The following ZSCAN23 variants were observed in gnomAD, a reference collection of about 807,000 sequenced individuals.
ZSCAN23 encodes zinc finger and SCAN domain-containing protein 23.
ZSCAN23 carries 19 observed loss-of-function variants against 19.3 expected under a neutral mutation model. The observed-to-expected ratio is 0.99, with a 90% CI of 0.69 to 1.45. The LOEUF (loss-of-function observed/expected upper bound fraction) is 1.45. Ranked by LOEUF, ZSCAN23 falls within the 40% of genes most tolerant of loss-of-function variation. The pLI is 0.00. For missense variants in ZSCAN23, 372 were observed against 462.5 expected, an observed-to-expected ratio of 0.80 and a Z score of 1.79; for synonymous variants, 140 against 166.2, an observed-to-expected ratio of 0.84 and a Z score of 1.21.
At position 28,443,047 on chromosome 6, in the gene ZSCAN23, A is replaced by C. The variant is rs116246468; in HGVS notation, c.-78+352T>G. 2.3e-3 allele frequency among the ~76,000 whole-genome samples: 357 copies of C among 152,348 alleles called. 2 individuals are homozygous for C. The highest frequency in any genetic ancestry group is 8.0e-3 in the African/African-American group (333 of 41,580). Reference sequence around the variant, plus strand: ...CTATCCCTGCTCATTCTTTAAAATAAGTCCACAGTAGAGAATAAGACATCG... The same window carrying C: ...CTATCCCTGCTCATTCTTTAAAATACGTCCACAGTAGAGAATAAGACATCG... On this transcript the variant is annotated intron_variant, in intron 1 of 3. Coordinates refer to ENST00000289788, the MANE Select transcript of ZSCAN23 (RefSeq NM_001012455.2).
intron 1 of ZSCAN23, among the ~76,000 whole-genome samples, chr6:28,441,864 C>G (rs1762008055): frequency 6.9e-6 from 1 of 145,492 alleles, no homozygotes; most frequent in East Asian, 2.1e-4. Context: ...ACAGGCAGAT[C>G]TGGTTGTTAA....
intron 1 of ZSCAN23, among the ~76,000 whole-genome samples, chr6:28,442,296 T>C (rs1224628410): frequency 1.3e-5 from 2 of 152,226 alleles, no homozygotes; most frequent in African/African-American, 4.8e-5. Flanking sequence ...TTAAATGAGA[T>C]AATGCATACA....
At chr6:28,435,654 T>C (rs768462229) in intron 2 of ZSCAN23, 47 bp from the exon 3 acceptor site, 8 of 1,521,910 alleles carry the variant, frequency 5.3e-6, no homozygotes, top group Non-Finnish European at 6.2e-6. Flanking sequence ...AGAGAGAACA[T>C]GGCAAGGAGG....
chr6:28,436,369 A>C, intron 1 of ZSCAN23, 26 bp from the exon 2 acceptor site: 1 of 1,261,098 alleles, frequency 7.9e-7, no homozygotes. Flanking sequence ...CGAAGAAAAA[A>C]ATATAAAAAT....
the ZSCAN23 span, among the ~76,000 whole-genome samples, chr6:28,422,456 T>C: frequency 2.6e-5 from 4 of 152,190 alleles, no homozygotes; most frequent in Non-Finnish European, 5.9e-5. The surrounding 1 kb of genome is among the most constrained non-coding windows in gnomAD (Gnocchi z 4.0). Context: ...TACTGTACAA[T>C]GACATTTTAG....
chr6:28,439,385 C>G (rs1201172521), intron 1 of ZSCAN23, among the ~76,000 whole-genome samples: 1 of 152,146 alleles, frequency 6.6e-6, no homozygotes, highest in Non-Finnish European at 1.5e-5. Flanking sequence ...CCACGCCCAG[C>G]CTTCCTCCAC....
At chr6:28,430,339 G>A (rs970226286), downstream of ZSCAN23, among the ~76,000 whole-genome samples, 25 of 152,162 alleles carry the variant, frequency 1.6e-4, no homozygotes, top group African/African-American at 5.5e-4. Context: ...CACAGCCCTA[G>A]TCATGTCTCT....
intron 2 of ZSCAN23, 28 bp from the exon 3 acceptor site, chr6:28,435,635 C>G: frequency 6.5e-7 from 1 of 1,542,402 alleles, no homozygotes. Context: ...CAGTTGGGAA[C>G]CCAATATCAG....
downstream of ZSCAN23, among the ~76,000 whole-genome samples, chr6:28,429,420 T>C (rs1161968866): frequency 6.6e-6 from 1 of 152,214 alleles, no homozygotes; most frequent in Admixed American, 6.5e-5. Flanking sequence ...GTATTTTTCT[T>C]TAAGTACTAA....
Position 28,433,102 on chromosome 6 carries a change from C to T in ZSCAN23, c.*1363G>A, listed in dbSNP as rs1253102246. The stretch of plus-strand genomic sequence containing the variant: ...TCAATGAGGAATAAATGAGAAGAGT[C>T]TTTCCTGGACTCCACTGTAAATTAA... On this transcript the variant is annotated 3_prime_UTR_variant, in exon 4 of 4. Transcript: ENST00000289788. 6.6e-6 allele frequency: 1 copy of T among 152,042 alleles called. No individual in the cohort carries two copies. Among genetic ancestry groups the T allele is most frequent in the East Asian group, 1.9e-4 (1 of 5,186 alleles). 9.4% of individuals were successfully genotyped at this position (152,042 alleles called of 1,614,324 possible).
At position 28,434,886 on chromosome 6, in the gene ZSCAN23, A is replaced by G; in HGVS notation, c.749T>C (p.Ile250Thr). ...GAAGCTTTTTCCACATTCACTACAG[A>G]TATAGGGTCTCTCCACTGAAGAGCT... Reference protein sequence around the residue: ...RVSSSVERPYICSECGKSFTQ... With the variant: ...RVSSSVERPYTCSECGKSFTQ... Residue 250 changes from isoleucine (I) to threonine (T), a missense_variant, in exon 4 of 4, where the codon ATC becomes ACC. Transcript: ENST00000289788. 3 of 1,556,192 alleles carry G rather than the reference A, an allele frequency of 1.9e-6. No individual in the cohort carries two copies. The highest frequency in any genetic ancestry group is 2.6e-6 in the Non-Finnish European group (3 of 1,149,636).
chr6:28,421,549 A>G, the ZSCAN23 span, among the ~76,000 whole-genome samples: 3 of 152,168 alleles, frequency 2.0e-5, no homozygotes, highest in African/African-American at 7.2e-5. Flanking sequence ...ACAGAAAATA[A>G]TAGGCTTCAA....
rs554962644 is a variant in ZSCAN23, at chr6:28,442,020, G to A, written c.-78+1379C>T. ...AGCTTCCGGAGTAGCTGGGATTACA[G>A]GGACCCACCACCACTCCTGGCTCAT... On this transcript the variant is annotated intron_variant, in intron 1 of 3. Transcript: ENST00000289788. Among the ~76,000 whole-genome samples, 325 of 151,902 alleles carry A rather than the reference G, an allele frequency of 2.1e-3. 3 individuals carry two copies. The highest frequency in any genetic ancestry group is 0.017 in the Middle Eastern group (5 of 294).
At chr6:28,429,091 C>G (rs1338014553), downstream of ZSCAN23, among the ~76,000 whole-genome samples, 3 of 152,166 alleles carry the variant, frequency 2.0e-5, no homozygotes, top group Admixed American at 1.3e-4. Context: ...TCCATTTCCT[C>G]TTTGCTATCC....
chr6:28,435,380 A>G (rs1275831366), intron 3 of ZSCAN23, 80 bp downstream of exon 3: 5 of 1,480,614 alleles, frequency 3.4e-6, no homozygotes, highest in Non-Finnish European at 3.6e-6. Context: ...CCTGGCATAC[A>G]GCAGACACTA....
chr6:28,433,533 G>A lies in ZSCAN23; in HGVS notation c.*932C>T, dbSNP rs1227742846. On this transcript the variant is annotated 3_prime_UTR_variant, in exon 4 of 4. Transcript: ENST00000289788. ...GACCTTGTGTAAAGCTTTGTAAAGA[G>A]TTACTAAGTCAATGTTAAGGGAAAT... 1 of 151,848 alleles carries A rather than the reference G, an allele frequency of 6.6e-6. No homozygotes were observed. The highest frequency in any genetic ancestry group is 1.5e-5 in the Non-Finnish European group (1 of 67,942). The allele number at this position is 151,848 out of a possible 1,614,324, so 9.4% of individuals were successfully genotyped here.
chr6:28,442,024 C>A (rs1762012261), intron 1 of ZSCAN23, among the ~76,000 whole-genome samples: 1 of 151,716 alleles, frequency 6.6e-6, no homozygotes, highest in Non-Finnish European at 1.5e-5. Context: ...ATTACAGGGA[C>A]CCACCACCAC....
In ZSCAN23 at chr6:28,435,088, C is replaced by A; in HGVS notation, c.557-10G>T. 1 of 1,512,526 alleles carries A rather than the reference C, an allele frequency of 6.6e-7. No individual in the cohort carries two copies. The highest frequency in any genetic ancestry group is 2.3e-5 in the Admixed American group (1 of 43,670). The allele number at this position is 1,512,526 out of a possible 1,614,324, so 93.7% of individuals were successfully genotyped here. A position where few individuals can be genotyped will look rare whatever the true frequency, so the allele number is the denominator to read the frequency against. On this transcript the variant is annotated splice_polypyrimidine_tract_variant and intron_variant, in intron 3 of 3. Transcript: ENST00000289788. ...GTCCCAGCCTTGCCATCTAAAATAA[C>A]GATAACATGAAAGATAACATGAAGT... is the stretch of plus-strand genomic sequence containing the variant.
the ZSCAN23 span, among the ~76,000 whole-genome samples, chr6:28,425,221 C>T: frequency 2.0e-5 from 3 of 152,166 alleles, no homozygotes; most frequent in African/African-American, 7.2e-5. Context: ...CAACAGTGGG[C>T]TTAAAATATT....
Sources: allele counts gnomAD v4.1 joint callset (sites outside exome capture counted in the v4.1 genomes callset), GRCh38; gene constraint gnomAD v4.1.1; non-coding constraint Gnocchi (gnomAD v3.1); transcripts MANE v1.5; gene names NCBI Gene and HGNC (gene_info 2026-07-23, HGNC 2026-07-21).